The following ARSG variants were observed in gnomAD, a reference collection of about 807,000 sequenced individuals.
The protein encoded by ARSG is arylsulfatase G.
ARSG carries 37 observed loss-of-function variants against 50.5 expected under a neutral mutation model. The observed-to-expected ratio is 0.73, with a 90% CI of 0.56 to 0.96. ARSG has a LOEUF of 0.96. Ranked by LOEUF, ARSG falls within the 50% of genes least tolerant of loss-of-function variation. ARSG has a pLI of 0.00. For synonymous variants in ARSG, 225 were observed against 254.6 expected (o/e 0.88, Z 1.11); for missense variants, 629 against 675.3 (o/e 0.93, Z 0.76).
chr17:68,278,058 A>C, intron 1 of ARSG: 1 of 1,508,826 alleles, frequency 6.6e-7, no homozygotes, highest in South Asian at 1.1e-5. Flanking sequence ...CCCTATACTT[A>C]CGTCATGGTT....
At chr17:68,274,156 A>G in intron 1 of ARSG, 19 of 1,389,016 alleles carry the variant, frequency 1.4e-5, no homozygotes, top group Non-Finnish European at 1.9e-5. Context: ...CGTCTTGCAC[A>G]TGGAGAGATG....
chr17:68,394,912 G>C (rs991457819), intron 9 of ARSG, among the ~76,000 whole-genome samples, 161 bp from the exon 10 acceptor site: 1 of 152,168 alleles, frequency 6.6e-6, no homozygotes, highest in African/African-American at 2.4e-5. Flanking sequence ...CAGAAATCCA[G>C]GTGGAACTGA....
chr17:68,276,998 A>T (rs912354391), intron 1 of ARSG, among the ~76,000 whole-genome samples: 1 of 152,196 alleles, frequency 6.6e-6, no homozygotes, highest in Non-Finnish European at 1.5e-5. Context: ...GGTGCTTGGA[A>T]TTCAGAAGGT....
At chr17:68,362,262 C>T (rs546111325) in intron 6 of ARSG, among the ~76,000 whole-genome samples, 1 of 152,188 alleles carries the variant, frequency 6.6e-6, no homozygotes, top group South Asian at 2.1e-4. Context: ...CGGCTCCCAC[C>T]CGACACCAAC....
At chr17:68,432,773 GT>G in the ARSG span, among the ~76,000 whole-genome samples, 1 of 152,140 alleles carries the variant, frequency 6.6e-6, no homozygotes, top group Admixed American at 6.5e-5. Flanking sequence ...TTGGGGTAAC[GT>G]TTTCAAAGCG....
At chr17:68,396,988 C>G (rs2081275901) in intron 10 of ARSG, among the ~76,000 whole-genome samples, 1 of 152,136 alleles carries the variant, frequency 6.6e-6, no homozygotes, top group Admixed American at 6.5e-5. Context: ...GTGTTTATTA[C>G]CATGGCTGCT....
rs2079614610 is a variant in ARSG at position 68,367,744 on chromosome 17, G to C, written c.705-804G>C. Among the ~76,000 whole-genome samples the C allele has an allele frequency of 6.6e-6, 1 of 152,158 alleles. No homozygotes were observed. The highest frequency in any genetic ancestry group is 1.5e-5 in the Non-Finnish European group (1 of 68,032). ...TCATATGTGTCCTTGAAATTCCTGT[G>C]ATCAACTTGAGACAACCATTTATCT... is the stretch of plus-strand genomic sequence containing the variant. On this transcript the variant is annotated intron_variant, in intron 6 of 11. Coordinates refer to ENST00000621439, the MANE Select transcript of ARSG (RefSeq NM_001267727.2). This position sits in a 1 kb window ranked among gnomAD's most constrained non-coding sequence, Gnocchi z 4.5.
At chr17:68,332,313 T>TTG (rs1336653445) in intron 2 of ARSG, among the ~76,000 whole-genome samples, 1 of 152,214 alleles carries the variant, frequency 6.6e-6, no homozygotes, top group East Asian at 1.9e-4. Flanking sequence ...GCAGCCAGAC[T>TTG]TTAAGGTTAT....
chr17:68,290,223 T>C (rs2075939771), upstream of ARSG, among the ~76,000 whole-genome samples: 1 of 152,220 alleles, frequency 6.6e-6, no homozygotes, highest in Admixed American at 6.5e-5. Context: ...TCTTCCCCAG[T>C]TGGCTCCGGG....
Position 68,403,701 on chromosome 17 carries a change from T to C in ARSG, c.1303+2251T>C, listed in dbSNP as rs192021486. Among the ~76,000 whole-genome samples the C allele has an allele frequency of 3.4e-4, 52 of 152,340 alleles. 1 individual carries two copies. The highest frequency in any genetic ancestry group is 1.4e-3 in the Admixed American group (22 of 15,308). ...TGGCCTAGAATTAAGGTGTACCTTA[T>C]TGTTTTTCTTTTTTTTTATTATTAT... On this transcript the variant is annotated intron_variant, in intron 11 of 11. Coordinates refer to ENST00000621439, the MANE Select transcript of ARSG (RefSeq NM_001267727.2).
chr17:68,290,032 C>T (rs1482673527), upstream of ARSG, among the ~76,000 whole-genome samples: 1 of 152,196 alleles, frequency 6.6e-6, no homozygotes, highest in African/African-American at 2.4e-5. Flanking sequence ...GAGATTTCAG[C>T]ATAAGCACTT....
chr17:68,339,296 TCAAAAAGA>T (rs1259553127), intron 2 of ARSG, among the ~76,000 whole-genome samples: 2 of 151,210 alleles, frequency 1.3e-5, no homozygotes, highest in African/African-American at 2.4e-5. Context: ...AGACTGTATC[TCAAAAAGA>T]GAAAAATAAA....
At chr17:68,282,941 C>G (rs2075743489) in intron 1 of ARSG, 1 of 146,840 alleles carries the variant, frequency 6.8e-6, no homozygotes, top group Non-Finnish European at 1.5e-5. Context: ...GTGCAAGACT[C>G]TGTCTCAAAA....
At chr17:68,437,005 A>AATATATATAT in the ARSG span, among the ~76,000 whole-genome samples, 2,667 of 107,006 alleles carry the variant, frequency 0.025, 53 homozygotes, top group Middle Eastern at 0.048. Context: ...AAAAAAAAAA[A>AATATATATAT]ATATATATAT....
chr17:68,425,535 G>T (rs1361835167), downstream of ARSG, among the ~76,000 whole-genome samples: 1 of 151,940 alleles, frequency 6.6e-6, no homozygotes, highest in African/African-American at 2.4e-5. Context: ...GTTTCTTAAT[G>T]AGTGTCTGCA....
intron 9 of ARSG, 61 bp from the exon 10 acceptor site, chr17:68,395,012 C>T (rs1397365844): frequency 1.5e-5 from 24 of 1,600,778 alleles, no homozygotes; most frequent in East Asian, 2.3e-5. Flanking sequence ...GGGGTTGACA[C>T]GGCAGGGTCA....
rs780031873 is a variant in ARSG at position 68,420,286 on chromosome 17, C to T, written c.1401C>T (p.Pro467=). 6.2e-7 allele frequency: 1 copy of T among 1,613,950 alleles called. No individual in the cohort carries two copies. The highest frequency in any genetic ancestry group is 2.2e-5 in the East Asian group (1 of 44,858). The part of the protein sequence containing the change: ...NLEDDTAEAV[P]LERGGAEYQA... ...AAGACGATACCGCAGAAGCTGTGCCCCTAGAAAGAGGTGGTGCGGAGTACC... is the reference window on the plus strand; with the variant it reads ...AAGACGATACCGCAGAAGCTGTGCCTCTAGAAAGAGGTGGTGCGGAGTACC... Residue 467 remains proline, a synonymous_variant, in exon 12 of 12, where the codon CCC becomes CCT. Coordinates refer to ENST00000621439, the MANE Select transcript of ARSG (RefSeq NM_001267727.2).
intron 1 of ARSG, among the ~76,000 whole-genome samples, chr17:68,302,372 G>T (rs1555762258): frequency 6.6e-6 from 1 of 152,156 alleles, no homozygotes; most frequent in African/African-American, 2.4e-5. Flanking sequence ...CCCTCTGCCA[G>T]AAAGGTCTGC....
At chr17:68,264,367 A>G (rs2075119213) in intron 1 of ARSG, among the ~76,000 whole-genome samples, 1 of 152,250 alleles carries the variant, frequency 6.6e-6, no homozygotes, top group African/African-American at 2.4e-5. Context: ...TATAAAATGT[A>G]TAACTTTGTT....
Sources: allele counts gnomAD v4.1 joint callset (sites outside exome capture counted in the v4.1 genomes callset), GRCh38; gene constraint gnomAD v4.1.1; non-coding constraint Gnocchi (gnomAD v3.1); transcripts MANE v1.5; gene names NCBI Gene and HGNC (gene_info 2026-07-23, HGNC 2026-07-21).